PSD3: variants seen among roughly 807,000 people sequenced by gnomAD.
PSD3 encodes the protein PH and SEC7 domain-containing protein 3.
In PSD3, 49 loss-of-function variants were observed where a neutral mutation model predicts 105.5. The ratio of observed to expected loss-of-function variants is 0.46; its 90% CI spans 0.37 to 0.59. The LOEUF (loss-of-function observed/expected upper bound fraction) is 0.59. Among genes scored for constraint, PSD3 ranks in the 20% least tolerant of loss-of-function variants. The pLI is 0.00. For synonymous variants in PSD3, 557 were observed against 457.8 expected (o/e 1.22, Z -2.77); for missense variants, 1,561 against 1,263.8 (o/e 1.24, Z -3.57).
intron 4 of PSD3, among the ~76,000 whole-genome samples, chr8:18,805,790 G>C (rs762475287): frequency 6.6e-6 from 1 of 152,074 alleles, no homozygotes; most frequent in Non-Finnish European, 1.5e-5. Context: ...AAACCTTTGC[G>C]GGCAGATACA....
chr8:18,578,572 G>C (rs563598846), intron 12 of PSD3, among the ~76,000 whole-genome samples: 9 of 152,140 alleles, frequency 5.9e-5, no homozygotes, highest in African/African-American at 2.2e-4. Context: ...AACTGCTACA[G>C]GTGAATAGGA....
chr8:19,001,051 A>G (rs1365604), intron 1 of PSD3: 105,810 of 151,230 alleles, frequency 0.7, 37,852 homozygotes, highest in East Asian at 0.91. Context: ...AGCACCTGCC[A>G]CGCGCAAACA....
intron 2 of PSD3, among the ~76,000 whole-genome samples, chr8:18,922,132 G>A (rs968114856): frequency 6.6e-6 from 1 of 152,138 alleles, no homozygotes; most frequent in Non-Finnish European, 1.5e-5. Flanking sequence ...GATCCATGAA[G>A]GGAGACTGCT....
chr8:18,898,140 T>A (rs1462715184), intron 2 of PSD3, among the ~76,000 whole-genome samples: 1 of 152,212 alleles, frequency 6.6e-6, no homozygotes, highest in Non-Finnish European at 1.5e-5. Flanking sequence ...AAAGTGCAGT[T>A]TAAATCCAAT....
intron 1 of PSD3, among the ~76,000 whole-genome samples, chr8:19,001,229 G>A (rs1227542974): frequency 6.6e-6 from 1 of 151,586 alleles, no homozygotes; most frequent in Non-Finnish European, 1.5e-5. Context: ...CAGGTAGCTG[G>A]GACTACAGGC....
At chr8:18,541,047 T>A (rs1800122830) in intron 15 of PSD3, among the ~76,000 whole-genome samples, 1 of 151,920 alleles carries the variant, frequency 6.6e-6, no homozygotes, top group Non-Finnish European at 1.5e-5. Context: ...AACATCACTT[T>A]GACACTGAGG....
chr8:18,547,327 C>T (rs10888157), intron 15 of PSD3, among the ~76,000 whole-genome samples: 95,215 of 152,124 alleles, frequency 0.63, 31,034 homozygotes, highest in South Asian at 0.77. Context: ...GCTGTGTGAA[C>T]TACAGGCAGC....
intron 9 of PSD3, among the ~76,000 whole-genome samples, chr8:18,759,392 G>A (rs1334225684): frequency 6.6e-6 from 1 of 151,904 alleles, no homozygotes; most frequent in Non-Finnish European, 1.5e-5. Flanking sequence ...ATACATTCAA[G>A]GTATGTTTTT....
intron 4 of PSD3, among the ~76,000 whole-genome samples, chr8:18,852,787 G>A (rs139442329): frequency 3.3e-5 from 5 of 152,250 alleles, no homozygotes; most frequent in Admixed American, 2.0e-4. Flanking sequence ...AAGTCCTCAC[G>A]TGCCTCACAT....
At chr8:18,983,835 CA>C (rs1158657718) in intron 1 of PSD3, among the ~76,000 whole-genome samples, 26 of 140,036 alleles carry the variant, frequency 1.9e-4, no homozygotes, top group Admixed American at 3.6e-4. Flanking sequence ...GCCGTCTCTA[CA>C]AAAAAAAAAA....
chr8:18,590,335 G>C (rs561460035), intron 12 of PSD3, among the ~76,000 whole-genome samples: 4 of 152,228 alleles, frequency 2.6e-5, no homozygotes, highest in South Asian at 4.2e-4. Flanking sequence ...AATCAAACGG[G>C]AGGCCTCTTT....
chr8:18,610,664 A>G (rs1805197228), intron 11 of PSD3, among the ~76,000 whole-genome samples: 1 of 152,208 alleles, frequency 6.6e-6, no homozygotes. Context: ...TTCTTATATA[A>G]TAGCAACCAA....
At position 18,911,528 on chromosome 8, in the gene PSD3, A is replaced by G. The variant is rs115591870; in HGVS notation, c.130+24506T>C. On this transcript the variant is annotated intron_variant, in intron 2 of 15. Transcript: ENST00000327040. ...GAGTCTCAGGAACCTCATCTATAAA[A>G]TGGGGGTGAGGGGAGAAACTGTATC... Among the ~76,000 whole-genome samples, 454 of 152,222 alleles carry G rather than the reference A, an allele frequency of 3.0e-3. 1 individual carries two copies. The highest frequency in any genetic ancestry group is 0.011 in the African/African-American group (437 of 41,532).
chr8:18,809,272 A>G (rs1445249895), intron 4 of PSD3, among the ~76,000 whole-genome samples: 1 of 152,224 alleles, frequency 6.6e-6, no homozygotes, highest in Non-Finnish European at 1.5e-5. Context: ...AATCCCTACC[A>G]GTCACTTAAA....
chr8:19,078,665 C>G (rs1829537919), intron 1 of PSD3, among the ~76,000 whole-genome samples: 1 of 151,992 alleles, frequency 6.6e-6, no homozygotes, highest in Admixed American at 6.6e-5. Context: ...GCACCTACCT[C>G]TGTGCCCACC....
intron 4 of PSD3, among the ~76,000 whole-genome samples, chr8:18,815,039 C>A (rs1812093180): frequency 6.6e-6 from 1 of 152,164 alleles, no homozygotes; most frequent in Admixed American, 6.5e-5. Flanking sequence ...ATACTCACTT[C>A]CTGTCTAGTG....
intron 9 of PSD3, among the ~76,000 whole-genome samples, chr8:18,668,016 G>A (rs1349418503): frequency 1.3e-5 from 2 of 152,340 alleles, no homozygotes; most frequent in African/African-American, 2.4e-5. Context: ...AAGAAATCGC[G>A]CTGGCCCGCA....
intron 11 of PSD3, among the ~76,000 whole-genome samples, chr8:18,601,657 G>C (rs994110081): frequency 6.6e-6 from 1 of 152,078 alleles, no homozygotes; most frequent in Non-Finnish European, 1.5e-5. Flanking sequence ...CCTCCACTAG[G>C]TGAGGCTTAA....
At chr8:18,991,113 C>A (rs574568370) in intron 1 of PSD3, among the ~76,000 whole-genome samples, 1 of 152,166 alleles carries the variant, frequency 6.6e-6, no homozygotes, top group East Asian at 1.9e-4. Context: ...TACATGGGCC[C>A]AATTCAGTTT....
Sources: gnomAD v4.1 joint callset for allele counts (sites outside exome capture counted in the v4.1 genomes callset) on GRCh38, gnomAD v4.1.1 for gene constraint, MANE v1.5 for transcripts, NCBI Gene and HGNC (gene_info 2026-07-23, HGNC 2026-07-21) for gene names.